ALKBH8: variants seen among roughly 807,000 people sequenced by gnomAD.
ALKBH8 encodes tRNA (carboxymethyluridine(34)-5-O)-methyltransferase ALKBH8.
ALKBH8 carries 36 observed loss-of-function variants against 59.8 expected under a neutral mutation model. The observed-to-expected ratio is 0.60, with a 90% CI of 0.46 to 0.79. The LOEUF (loss-of-function observed/expected upper bound fraction) is 0.79. ALKBH8 is among the 30% of genes least tolerant of loss of function. ALKBH8 has a pLI of 0.00. For missense variants in ALKBH8, 768 were observed against 801.0 expected, an observed-to-expected ratio of 0.96 and a Z score of 0.50; for synonymous variants, 276 against 273.6, an observed-to-expected ratio of 1.01 and a Z score of -0.09.
chr11:107,543,587 G>A (rs1028970026), intron 7 of ALKBH8, among the ~76,000 whole-genome samples: 1 of 152,134 alleles, frequency 6.6e-6, no homozygotes, highest in African/African-American at 2.4e-5. Context: ...CACCAGTAGA[G>A]CTATATGCTT....
At chr11:107,547,759 T>C (rs935667307) in intron 7 of ALKBH8, among the ~76,000 whole-genome samples, 4 of 152,220 alleles carry the variant, frequency 2.6e-5, no homozygotes, top group African/African-American at 9.6e-5. Context: ...AAAGAAAATC[T>C]ACTGTTCCTG....
At chr11:107,510,106 T>C (rs553885305) in intron 11 of ALKBH8, among the ~76,000 whole-genome samples, 1 of 152,296 alleles carries the variant, frequency 6.6e-6, no homozygotes, top group African/African-American at 2.4e-5. Context: ...CAGAATCTCT[T>C]GGTTACTATT....
intron 7 of ALKBH8, among the ~76,000 whole-genome samples, chr11:107,544,970 A>C (rs909167670): frequency 5.3e-5 from 8 of 152,190 alleles, no homozygotes; most frequent in Admixed American, 5.2e-4. Flanking sequence ...AAAGAATGAG[A>C]GAAAGGAGAG....
At position 107,522,345 on chromosome 11, in the gene ALKBH8, C is replaced by G. The variant is rs956000961; in HGVS notation, c.1241G>C (p.Gly414Ala). Residue 414 changes from glycine (G) to alanine (A), a missense_variant, in exon 10 of 12, where the codon GGA becomes GCA. Coordinates refer to ENST00000428149, the MANE Select transcript of ALKBH8 (RefSeq NM_138775.3). ...LPSGSIVADIGCGNGKYLGIN... is the reference protein window; with the variant it reads ...LPSGSIVADIACGNGKYLGIN... The stretch of plus-strand genomic sequence containing the variant: ...GCCAAGATACTTTCCATTACCACAT[C>G]CAATATCAGCCACTATTGAACCACT... 5 of 1,551,510 alleles carry G rather than the reference C, an allele frequency of 3.2e-6. No homozygotes were observed. The highest frequency in any genetic ancestry group is 1.7e-4 in the Middle Eastern group (1 of 6,012).
At position 107,555,555 on chromosome 11, in the gene ALKBH8, G is replaced by A. The variant is rs73555510; in HGVS notation, c.367+1211C>T. Among the ~76,000 whole-genome samples the A allele has an allele frequency of 6.9e-3, 1,049 of 152,264 alleles. 9 individuals are homozygous for A. The highest frequency in any genetic ancestry group is 0.024 in the African/African-American group (996 of 41,550). ...GAGGATAATCTAGTTTCCAAAATAT[G>A]TAAAGCTTAAGTCAGATTTAAAATT... On this transcript the variant is annotated intron_variant, in intron 3 of 11. Transcript: ENST00000428149.
chr11:107,560,758 A>G lies in ALKBH8; in HGVS notation c.129+7T>C. The G allele has an allele frequency of 1.3e-6, 2 of 1,598,180 alleles. No homozygotes were observed. Among genetic ancestry groups the G allele is most frequent in the South Asian group, 1.1e-5 (1 of 88,804 alleles). On this transcript the variant is annotated splice_region_variant and intron_variant, in intron 2 of 11. Coordinates refer to ENST00000428149, the MANE Select transcript of ALKBH8 (RefSeq NM_138775.3). ...ACATTCTAATAATAATAGTAGTTTTAGGTCACCTGAGTGGCATAGGATACT... is the reference window on the plus strand; with the variant it reads ...ACATTCTAATAATAATAGTAGTTTTGGGTCACCTGAGTGGCATAGGATACT...
intron 11 of ALKBH8, among the ~76,000 whole-genome samples, chr11:107,510,515 T>C (rs1270260760): frequency 6.6e-6 from 1 of 152,090 alleles, no homozygotes; most frequent in Non-Finnish European, 1.5e-5. Flanking sequence ...CAGAAGGGAC[T>C]CATAGAGTCT....
At chr11:107,508,728 T>A (rs1006316459) in intron 11 of ALKBH8, among the ~76,000 whole-genome samples, 5 of 152,194 alleles carry the variant, frequency 3.3e-5, no homozygotes, top group African/African-American at 4.8e-5. Context: ...TGAATTTAAC[T>A]ATTCTAAGTA....
chr11:107,542,366 A>T (rs530723463), intron 7 of ALKBH8, among the ~76,000 whole-genome samples: 4 of 152,330 alleles, frequency 2.6e-5, no homozygotes, highest in African/African-American at 9.6e-5. Context: ...GAGCAATAAC[A>T]TAAGCCACAA....
Position 107,528,434 on chromosome 11 carries a change from A to C in ALKBH8, c.879-2842T>G, listed in dbSNP as rs549638668. On this transcript the variant is annotated intron_variant, in intron 8 of 11. Transcript: ENST00000428149. ...TTTTTAAAAAGCTTGTCTTAAAGGC[A>C]ATTTTGTAGAGGCAAAAAAAAGCAA... Among the ~76,000 whole-genome samples the C allele has an allele frequency of 1.2e-3, 182 of 152,292 alleles. 1 individual carries two copies. Among genetic ancestry groups the C allele is most frequent in the Non-Finnish European group, 2.3e-3 (159 of 68,000 alleles).
intron 7 of ALKBH8, among the ~76,000 whole-genome samples, chr11:107,532,792 C>T (rs602435): frequency 0.042 from 6,407 of 152,194 alleles, 462 homozygotes; most frequent in African/African-American, 0.14. Context: ...TTATTAGCCA[C>T]GTGACACAGG....
At chr11:107,512,304 T>C (rs75068326) in intron 10 of ALKBH8, among the ~76,000 whole-genome samples, 2 of 8,666 alleles carry the variant, frequency 2.3e-4, no homozygotes, top group Non-Finnish European at 5.5e-4. Flanking sequence ...ATTTTAAGGG[T>C]TTTTTTTTGT....
chr11:107,526,064 A>T (rs1397021899), intron 8 of ALKBH8, among the ~76,000 whole-genome samples: 1 of 152,038 alleles, frequency 6.6e-6, no homozygotes, highest in Non-Finnish European at 1.5e-5. Flanking sequence ...TTCTGTGAAC[A>T]TTCTTATACA....
Position 107,532,420 on chromosome 11 carries a change from T to A in ALKBH8, c.772-14A>T, listed in dbSNP as rs1361034570. The A allele has an allele frequency of 3.1e-6, 5 of 1,603,404 alleles. No homozygotes were observed. The highest frequency in any genetic ancestry group is 4.3e-6 in the Non-Finnish European group (5 of 1,170,748). On this transcript the variant is annotated splice_polypyrimidine_tract_variant and intron_variant, in intron 7 of 11. Coordinates refer to ENST00000428149, the MANE Select transcript of ALKBH8 (RefSeq NM_138775.3). ...ATCCATGACAATCTTGAAGCAAAGA[T>A]AAAAGCATAAAGATCAATCCAAAAT...
In ALKBH8 at chr11:107,502,961, A is replaced by G. The variant is rs1012172883; in HGVS notation, c.*1697T>C. 2 of 152,174 alleles carry G rather than the reference A, an allele frequency of 1.3e-5. No homozygotes were observed. The highest frequency in any genetic ancestry group is 2.4e-5 in the African/African-American group (1 of 41,452). 9.4% of individuals were successfully genotyped at this position (152,174 alleles called of 1,614,324 possible). ...AGTCAAGAAATTTGCCCAAAATCCC[A>G]CAGCTAATAAATGGCAGATCTAGAA... On this transcript the variant is annotated 3_prime_UTR_variant, in exon 12 of 12. Coordinates refer to ENST00000428149, the MANE Select transcript of ALKBH8 (RefSeq NM_138775.3).
chr11:107,554,125 A>G (rs1442238541), intron 3 of ALKBH8, 147 bp from the exon 4 acceptor site: 8 of 946,164 alleles, frequency 8.5e-6, no homozygotes, highest in Non-Finnish European at 1.1e-5. Context: ...CAACATATTA[A>G]AAGTGCAGAA....
rs771898321 is a variant in ALKBH8 at position 107,505,109 on chromosome 11, G to T, written c.1544C>A (p.Ser515Tyr). 8.4e-6 allele frequency: 13 copies of T among 1,551,018 alleles called. No homozygotes were observed. The highest frequency in any genetic ancestry group is 1.2e-5 in the South Asian group (1 of 84,060). Residue 515 changes from serine (S) to tyrosine (Y), a missense_variant, in exon 12 of 12, where the codon TCC (serine) becomes TAC (tyrosine). Transcript: ENST00000428149. Reference protein sequence around the residue: ...AMEQEYNKQKSKYLRGNRNSQ... With the variant: ...AMEQEYNKQKYKYLRGNRNSQ... Reference sequence around the variant, plus strand: ...ATTTCTGTTTCCTCTAAGATACTTGGACTTCTGCTTATTATATTCTTGTTC... The same window carrying T: ...ATTTCTGTTTCCTCTAAGATACTTGTACTTCTGCTTATTATATTCTTGTTC...
At chr11:107,546,261 C>T (rs1310467994) in intron 7 of ALKBH8, among the ~76,000 whole-genome samples, 2 of 152,018 alleles carry the variant, frequency 1.3e-5, no homozygotes, top group Middle Eastern at 3.2e-3. Flanking sequence ...ATCAGCTGAC[C>T]AACTCTTACG....
At chr11:107,565,254 G>C in intron 1 of ALKBH8, 2 of 388,398 alleles carry the variant, frequency 5.1e-6, no homozygotes, top group South Asian at 3.1e-5. Flanking sequence ...CCTTTGCATC[G>C]ATGCAATCAG....
Sources: allele counts gnomAD v4.1 joint callset (sites outside exome capture counted in the v4.1 genomes callset), GRCh38; gene constraint gnomAD v4.1.1; transcripts MANE v1.5; gene names NCBI Gene and HGNC (gene_info 2026-07-23, HGNC 2026-07-21).